The following CAMTA2 variants were observed in gnomAD, a reference collection of about 807,000 sequenced individuals.
The protein encoded by CAMTA2 is calmodulin binding transcription activator 2, also known as calmodulin-binding transcription activator 2.
A neutral mutation model predicts 135.7 loss-of-function variants in CAMTA2; 56 were observed. The ratio of observed to expected loss-of-function variants is 0.41; its 90% confidence interval spans 0.33 to 0.52. CAMTA2 has a LOEUF of 0.52. Among genes scored for constraint, CAMTA2 ranks in the 20% least tolerant of loss-of-function variants. The pLI, the probability that CAMTA2 is intolerant of heterozygous loss-of-function variation, is 0.16. For synonymous variants in CAMTA2, 591 were observed against 604.6 expected (o/e 0.98, Z 0.33); for missense variants, 1,358 against 1,553.4 (o/e 0.87, Z 2.11).
chr17:4,987,453 GA>G, intron 1 of CAMTA2, 139 bp downstream of exon 1: 1 of 1,385,314 alleles, frequency 7.2e-7, no homozygotes, highest in Non-Finnish European at 9.3e-7. Flanking sequence ...TGGCGCGGGG[GA>G]GGAGGACGGA....
rs1451730479 is a variant in CAMTA2 at position 4,981,228 on chromosome 17, G to GC, written c.696dup (p.Leu233AlafsTer78). On this transcript the variant is annotated frameshift_variant, in exon 8 of 23. Coordinates refer to ENST00000348066, the MANE Select transcript of CAMTA2 (RefSeq NM_015099.4). LOFTEE classifies it high-confidence loss of function. The stretch of plus-strand genomic sequence containing the variant: ...AAAAGGTCAGGGAGTAACTTACCAA[G>GC]CCCCCCACTGCAGAGACAGGCGTGG... 2 of 1,613,474 alleles carry GC rather than the reference G, an allele frequency of 1.2e-6. No individual in the cohort carries two copies. The highest frequency in any genetic ancestry group is 1.7e-6 in the Non-Finnish European group (2 of 1,179,888).
Position 4,968,586 on chromosome 17 carries a change from G to A in CAMTA2, c.*170C>T. On this transcript the variant is annotated 3_prime_UTR_variant, in exon 23 of 23. Coordinates refer to ENST00000348066, the MANE Select transcript of CAMTA2 (RefSeq NM_015099.4). ...GACGGGGCACGACCAGGAGGGACGA[G>A]GAGAGGGGTGTGGGAGCAAGGCGTG... is the stretch of plus-strand genomic sequence containing the variant. 3 of 686,158 alleles carry A rather than the reference G, an allele frequency of 4.4e-6. No individual in the cohort carries two copies. The highest frequency in any genetic ancestry group is 7.5e-6 in the Non-Finnish European group (3 of 397,940). 42.5% of individuals were successfully genotyped at this position (686,158 alleles called of 1,614,324 possible).
At chr17:4,973,020 C>T (rs757869509) in intron 14 of CAMTA2, 29 bp from the exon 15 acceptor site, 60 of 1,594,952 alleles carry the variant, frequency 3.8e-5, no homozygotes, top group Middle Eastern at 1.7e-4. Context: ...CAGGCGGAGA[C>T]GGAGGTGGAG....
At position 4,987,107 on chromosome 17, in the gene CAMTA2, T is replaced by C; in HGVS notation, c.-65+486A>G. 5.1e-6 allele frequency: 7 copies of C among 1,369,294 alleles called. No individual in the cohort carries two copies. The South Asian group carries it at 1.0e-4, about 20-fold the overall frequency. 84.8% of individuals were successfully genotyped at this position (1,369,294 alleles called of 1,614,324 possible). On this transcript the variant is annotated intron_variant, in intron 1 of 22. Coordinates refer to ENST00000348066, the MANE Select transcript of CAMTA2 (RefSeq NM_015099.4). The stretch of plus-strand genomic sequence containing the variant: ...TCGGCTATGTGCAGTGAAGCTGGGG[T>C]TGGGGTAAGGACTCCGCCCCAGGGC...
At chr17:4,974,051 A>C in intron 12 of CAMTA2, 1 of 536,666 alleles carries the variant, frequency 1.9e-6, no homozygotes, top group Non-Finnish European at 3.3e-6. Context: ...CAGAAGCCAG[A>C]GCCTTCTCTG....
chr17:4,979,119 C>T (rs1972801397), intron 9 of CAMTA2, among the ~76,000 whole-genome samples: 1 of 152,094 alleles, frequency 6.6e-6, no homozygotes, highest in Non-Finnish European at 1.5e-5. Flanking sequence ...CTAGGAGACT[C>T]CAGAAACCAT....
At chr17:4,977,694 C>T (rs1363103056) in intron 10 of CAMTA2, among the ~76,000 whole-genome samples, 2 of 152,228 alleles carry the variant, frequency 1.3e-5, no homozygotes, top group African/African-American at 2.4e-5. Context: ...TTTCCTTACA[C>T]ACATGCTGGA....
intron 16 of CAMTA2, among the ~76,000 whole-genome samples, chr17:4,970,793 T>C (rs1445148330): frequency 6.6e-6 from 1 of 152,198 alleles, no homozygotes; most frequent in Non-Finnish European, 1.5e-5. Flanking sequence ...ATGGAGGACT[T>C]GACACCCTTT....
intron 12 of CAMTA2, 169 bp downstream of exon 12, chr17:4,974,216 C>A: frequency 1.7e-6 from 1 of 601,698 alleles, no homozygotes; most frequent in Admixed American, 2.8e-5. Flanking sequence ...AGAATAGCCA[C>A]TCTTGCCACA....
In CAMTA2 at chr17:4,972,873, C is replaced by T. The variant is rs776922330; in HGVS notation, c.2399G>A (p.Arg800Gln). 36 of 1,613,720 alleles carry T rather than the reference C, an allele frequency of 2.2e-5. No individual in the cohort carries two copies. Among genetic ancestry groups the T allele is most frequent in the East Asian group, 2.2e-4 (10 of 44,894 alleles). ...GCAGCGGGCAAGGCGCACATGACCC[C>T]GGGAATGAGCCACAGACAATGGCAG... Reference protein sequence around the residue: ...GRLPLSVAHSRGHVRLARCLE... With the variant: ...GRLPLSVAHSQGHVRLARCLE... Residue 800 changes from arginine (R) to glutamine (Q), a missense_variant, in exon 15 of 23, where the codon CGG (arginine) becomes CAG (glutamine). Arg to Gln is a conservative substitution (Grantham distance 43). This residue lies in a region of CAMTA2 where 1,077 missense variants were observed against 1,127.5 expected (regional missense o/e 0.96). Coordinates refer to ENST00000348066, the MANE Select transcript of CAMTA2 (RefSeq NM_015099.4).
chr17:4,979,992 T>G lies in CAMTA2; in HGVS notation c.1330A>C (p.Ile444Leu), dbSNP rs148874211. ...AGGRRGNCFF[I>L]QDDDSGEELK... ...TCCTCCCCACTGTCATCATCTTGGA[T>G]GAAGAAGCAGTTTCCTCTTCTCCCA... Residue 444 changes from isoleucine (I) to leucine (L), a missense_variant, in exon 9 of 23, where the codon ATC (isoleucine) becomes CTC (leucine). By Grantham distance (5) the Ile-to-Leu change is conservative. Coordinates refer to ENST00000348066, the MANE Select transcript of CAMTA2 (RefSeq NM_015099.4). 1.7e-5 allele frequency: 28 copies of G among 1,613,572 alleles called. No homozygotes were observed. The African/African-American group carries it at 2.9e-4, about 17-fold the overall frequency.
At position 4,968,995 on chromosome 17, in the gene CAMTA2, CA is replaced by C; in HGVS notation, c.3471-15del. On this transcript the variant is annotated splice_polypyrimidine_tract_variant and intron_variant, in intron 21 of 22. Coordinates refer to ENST00000348066, the MANE Select transcript of CAMTA2 (RefSeq NM_015099.4). ...AGAAAGGAGCCTCTGGTGAAAGAAACAAAAGATGGACCTCACAGAAGGCATC... is the reference window on the plus strand; with the variant it reads ...AGAAAGGAGCCTCTGGTGAAAGAAACAAAGATGGACCTCACAGAAGGCATC... 6.2e-7 allele frequency: 1 copy of C among 1,613,598 alleles called. No individual in the cohort carries two copies. Among genetic ancestry groups the C allele is most frequent in the Non-Finnish European group, 8.5e-7 (1 of 1,179,784 alleles).
At chr17:4,982,724 C>G (rs779983195) in intron 5 of CAMTA2, 33 bp downstream of exon 5, 2 of 1,612,382 alleles carry the variant, frequency 1.2e-6, no homozygotes, top group Non-Finnish European at 8.5e-7. Flanking sequence ...AGGGCAGGCT[C>G]GGGAAGATGA....
chr17:4,974,092 G>C (rs948582850), intron 12 of CAMTA2: 2 of 523,190 alleles, frequency 3.8e-6, no homozygotes, highest in Non-Finnish European at 6.8e-6. Context: ...AGAAACTTGG[G>C]ACCCACAGAG....
chr17:4,973,412 G>T (rs904209118), intron 13 of CAMTA2, among the ~76,000 whole-genome samples, 159 bp from the exon 14 acceptor site: 1 of 152,230 alleles, frequency 6.6e-6, no homozygotes, highest in African/African-American at 2.4e-5. Context: ...TCAAAGTGTT[G>T]TAAGTCAGGA....
rs1972049686 is a variant in CAMTA2, at chr17:4,968,583, CGAG to C, written c.*170_*172del. On this transcript the variant is annotated 3_prime_UTR_variant, in exon 23 of 23. Transcript: ENST00000348066. Reference sequence around the variant, plus strand: ...AGAGACGGGGCACGACCAGGAGGGACGAGGAGAGGGGTGTGGGAGCAAGGCGTG... The same window carrying C: ...AGAGACGGGGCACGACCAGGAGGGACGAGAGGGGTGTGGGAGCAAGGCGTG... 1 of 671,392 alleles carries C rather than the reference CGAG, an allele frequency of 1.5e-6. No individual in the cohort carries two copies. The highest frequency in any genetic ancestry group is 1.8e-5 in the South Asian group (1 of 56,700). 41.6% of individuals were successfully genotyped at this position (671,392 alleles called of 1,614,324 possible). A position where few individuals can be genotyped will look rare whatever the true frequency, so the allele number is the denominator to read the frequency against.
In CAMTA2 at chr17:4,978,586, G is replaced by A. The variant is rs746757485; in HGVS notation, c.1683C>T (p.Ala561=). 17 of 1,614,024 alleles carry A rather than the reference G, an allele frequency of 1.1e-5. No individual in the cohort carries two copies. The highest frequency in any genetic ancestry group is 9.3e-5 in the African/African-American group (7 of 74,932). The part of the protein sequence containing the change: ...VLITGPWTEA[A]EHYSCVFDHI... The stretch of plus-strand genomic sequence containing the variant: ...GATCAAAGACACAGGAGTAATGCTC[G>A]GCGGCTTCGGTCCAAGGACCTGTGA... The change falls in exon 10 of 23, where the codon GCC becomes GCT. Residue 561 remains alanine (A), a synonymous_variant. Transcript: ENST00000348066.
chr17:4,972,514 G>C lies in CAMTA2; in HGVS notation c.2526C>G (p.Pro842=), dbSNP rs906185610. Residue 842 remains proline, a synonymous_variant, in exon 16 of 23, where the codon CCC becomes CCG. Transcript: ENST00000348066. ...PDTGLSSVSS[P]SELSDGTFSV... is the part of the protein sequence containing the mutation. ...AAAAGGTGCCATCCGACAGCTCCGA[G>C]GGCGAGGAGACGCTGCTCAGACCTG... is the stretch of plus-strand genomic sequence containing the variant. The C allele has an allele frequency of 1.2e-6, 2 of 1,607,920 alleles. No homozygotes were observed. Among genetic ancestry groups the C allele is most frequent in the African/African-American group, 2.7e-5 (2 of 74,896 alleles).
At chr17:4,970,136 C>G in intron 17 of CAMTA2, 51 bp from the exon 18 acceptor site, 1 of 1,566,340 alleles carries the variant, frequency 6.4e-7, no homozygotes. Flanking sequence ...AGTCCCTCCT[C>G]TGCCACCTAT....
Sources: gnomAD v4.1 joint callset for allele counts (sites outside exome capture counted in the v4.1 genomes callset) on GRCh38, gnomAD v4.1.1 for gene constraint, gnomAD v4.1.1 regional missense constraint, MANE v1.5 for transcripts, NCBI Gene and HGNC (gene_info 2026-07-23, HGNC 2026-07-21) for gene names.